SPATA6: variants seen among roughly 807,000 people sequenced by gnomAD.
SPATA6 encodes the protein spermatogenesis associated 6.
Under a neutral mutation model 65.3 loss-of-function variants are expected in SPATA6, and 56 were observed. The observed-to-expected ratio is 0.86, with a 90% confidence interval of 0.69 to 1.07. SPATA6 has a LOEUF of 1.07. Among genes scored for constraint, SPATA6 ranks in the 50% least tolerant of loss-of-function variants. SPATA6 has a pLI of 0.00. For missense variants in SPATA6, 590 were observed against 594.8 expected (o/e 0.99, Z 0.08); for synonymous variants, 199 against 213.2 (o/e 0.93, Z 0.58).
rs779536934 is a variant in SPATA6 at position 48,298,886 on chromosome 1, G to A, written c.1294C>T (p.Gln432Ter). 1.2e-6 allele frequency: 2 copies of A among 1,612,504 alleles called. No individual in the cohort carries two copies. The highest frequency in any genetic ancestry group is 1.7e-6 in the Non-Finnish European group (2 of 1,179,460). The change falls in exon 13 of 13, where the codon CAG (glutamine) becomes TAG (stop). Residue 432 changes from glutamine (Q) to a stop codon, truncating the protein, a stop_gained. Coordinates refer to ENST00000371847, the MANE Select transcript of SPATA6 (RefSeq NM_019073.4). LOFTEE classifies it high-confidence loss of function. ...YDSDPEYSSC[Q>*]QPRGTFHLDD... ...AAATGGAAAGTGCCACGTGGCTGCT[G>A]ACATGAGCTATAAAAAGGGATATAA...
At chr1:48,426,882 A>T (rs1653885542) in intron 3 of SPATA6, among the ~76,000 whole-genome samples, 1 of 152,044 alleles carries the variant, frequency 6.6e-6, no homozygotes, top group Non-Finnish European at 1.5e-5. Context: ...ATGTAAGATG[A>T]TATAAATCAG....
the SPATA6 span, among the ~76,000 whole-genome samples, chr1:48,267,201 G>A: frequency 4.0e-4 from 61 of 152,224 alleles, 1 homozygote; most frequent in East Asian, 0.011. Flanking sequence ...CCTAGGGTGT[G>A]CATGCAGACG....
Position 48,298,631 on chromosome 1 carries a change from AAAGG to A in SPATA6, c.*78_*81del. The A allele has an allele frequency of 7.4e-7, 1 of 1,355,306 alleles. No homozygotes were observed. Among genetic ancestry groups the A allele is most frequent in the East Asian group, 2.3e-5 (1 of 42,676 alleles). The allele number at this position is 1,355,306 out of a possible 1,614,324, so 84.0% of individuals were successfully genotyped here. On this transcript the variant is annotated 3_prime_UTR_variant, in exon 13 of 13. Coordinates refer to ENST00000371847, the MANE Select transcript of SPATA6 (RefSeq NM_019073.4). The stretch of plus-strand genomic sequence containing the variant: ...AGTTATAATCCCATTTTTTTTAAAA[AAAGG>A]AATACAGATATTGATCACATCAAAC...
At chr1:48,434,947 C>A (rs1654755961) in intron 3 of SPATA6, among the ~76,000 whole-genome samples, 1 of 151,272 alleles carries the variant, frequency 6.6e-6, no homozygotes. Context: ...CTTTTAATAT[C>A]ATGGGCATTT....
chr1:48,363,574 G>A (rs547525637), intron 9 of SPATA6, among the ~76,000 whole-genome samples: 1 of 151,940 alleles, frequency 6.6e-6, no homozygotes, highest in Non-Finnish European at 1.5e-5. Flanking sequence ...TCTGTGTATA[G>A]CATTTATACT....
intron 1 of SPATA6, among the ~76,000 whole-genome samples, chr1:48,470,910 C>T (rs1052261293): frequency 1.3e-5 from 2 of 152,024 alleles, no homozygotes; most frequent in African/African-American, 4.8e-5. Context: ...TAAGAAGGAG[C>T]GAAGAGACCG....
At chr1:48,378,949 C>A (rs956671341) in intron 9 of SPATA6, among the ~76,000 whole-genome samples, 1 of 152,154 alleles carries the variant, frequency 6.6e-6, no homozygotes, top group Non-Finnish European at 1.5e-5. Flanking sequence ...TATTATACAA[C>A]AACATAAACC....
chr1:48,308,094 T>C (rs977246011), intron 11 of SPATA6, among the ~76,000 whole-genome samples: 1 of 152,028 alleles, frequency 6.6e-6, no homozygotes, highest in African/African-American at 2.4e-5. Flanking sequence ...GAACCACCTA[T>C]AGGTATGTTT....
intron 7 of SPATA6, among the ~76,000 whole-genome samples, chr1:48,396,955 A>C (rs773946642): frequency 6.6e-6 from 1 of 151,594 alleles, no homozygotes; most frequent in Admixed American, 6.6e-5. Context: ...AAAAAAACAA[A>C]TTTTTTTAAA....
At chr1:48,446,371 T>C (rs1266374684) in intron 3 of SPATA6, among the ~76,000 whole-genome samples, 2 of 152,160 alleles carry the variant, frequency 1.3e-5, no homozygotes, top group African/African-American at 2.4e-5. Flanking sequence ...AGCTTCACTA[T>C]AGAACCATCC....
At chr1:48,268,690 A>G in the SPATA6 span, among the ~76,000 whole-genome samples, 1 of 152,186 alleles carries the variant, frequency 6.6e-6, no homozygotes, top group Non-Finnish European at 1.5e-5. Flanking sequence ...TCTCTAACTG[A>G]ACTCGTGTTT....
the SPATA6 span, among the ~76,000 whole-genome samples, chr1:48,283,693 A>AGAAAGAAAGAAAGAAAGAAAGAAAG: frequency 6.3e-4 from 5 of 7,878 alleles, no homozygotes; most frequent in Non-Finnish European, 1.5e-3. Context: ...AAAAAAAAAA[A>AGAAAGAAAGAAAGAAAGAAAGAAAG]AAAAAAAGAA....
At chr1:48,282,105 T>C in the SPATA6 span, among the ~76,000 whole-genome samples, 2 of 152,218 alleles carry the variant, frequency 1.3e-5, no homozygotes, top group African/African-American at 4.8e-5. Flanking sequence ...ATTTAATAGA[T>C]GGTGCTGGGA....
intron 7 of SPATA6, among the ~76,000 whole-genome samples, chr1:48,396,396 G>A (rs1212568987): frequency 2.0e-5 from 3 of 151,616 alleles, no homozygotes; most frequent in African/African-American, 7.3e-5. Flanking sequence ...ACCCAAAAGA[G>A]TTGAAAGCAG....
intron 11 of SPATA6, among the ~76,000 whole-genome samples, chr1:48,328,387 A>T (rs1237773670): frequency 6.6e-6 from 1 of 152,166 alleles, no homozygotes; most frequent in Non-Finnish European, 1.5e-5. Flanking sequence ...ATGGATAAAA[A>T]AAAGTGTCAT....
At chr1:48,384,922 T>C (rs1649297730) in intron 9 of SPATA6, among the ~76,000 whole-genome samples, 1 of 152,186 alleles carries the variant, frequency 6.6e-6, no homozygotes, top group South Asian at 2.1e-4. Context: ...ATAAAATATA[T>C]GCAAATACTA....
intron 3 of SPATA6, among the ~76,000 whole-genome samples, chr1:48,422,697 A>C (rs1653458906): frequency 6.6e-6 from 1 of 152,170 alleles, no homozygotes; most frequent in Non-Finnish European, 1.5e-5. Flanking sequence ...AGAGAACAAG[A>C]TACTACACCT....
At chr1:48,367,956 G>A (rs1055432568) in intron 9 of SPATA6, among the ~76,000 whole-genome samples, 2 of 152,070 alleles carry the variant, frequency 1.3e-5, no homozygotes, top group Non-Finnish European at 1.5e-5. Flanking sequence ...TCCATGTTTA[G>A]TGCTTCCTTC....
chr1:48,343,624 T>C (rs1039854826), intron 11 of SPATA6, among the ~76,000 whole-genome samples: 1 of 152,082 alleles, frequency 6.6e-6, no homozygotes, highest in Non-Finnish European at 1.5e-5. Flanking sequence ...ACTTCTGAAA[T>C]AAAAACTGAA....
Sources: gnomAD v4.1 joint callset for allele counts (sites outside exome capture counted in the v4.1 genomes callset) on GRCh38, gnomAD v4.1.1 for gene constraint, MANE v1.5 for transcripts, NCBI Gene and HGNC (gene_info 2026-07-23, HGNC 2026-07-21) for gene names.